The following ANKRD36B variants were observed in gnomAD, a reference collection of about 807,000 sequenced individuals.
ANKRD36B encodes ankyrin repeat domain 36B, also known as ankyrin repeat domain-containing protein 36B.
ANKRD36B carries 37 observed loss-of-function variants against 135.7 expected under a neutral mutation model. The ratio of observed to expected loss-of-function variants is 0.27; its 90% CI spans 0.21 to 0.36. The LOEUF (loss-of-function observed/expected upper bound fraction) is 0.36, where lower values mean the gene tolerates loss of function less well. Ranked by LOEUF, ANKRD36B falls within the 10% of genes least tolerant of loss-of-function variation. The pLI is 1.00. For missense variants in ANKRD36B, 549 were observed against 1,037.1 expected, an observed-to-expected ratio of 0.53 and a Z score of 6.46; for synonymous variants, 179 against 348.1, an observed-to-expected ratio of 0.51 and a Z score of 5.41.
intron 1 of ANKRD36B, among the ~76,000 whole-genome samples, chr2:97,588,197 T>TGA (rs1367857668): frequency 3.1e-4 from 47 of 152,146 alleles, no homozygotes; most frequent in African/African-American, 1.1e-3. Context: ...CATAACGAAC[T>TGA]TATTTCTGTG....
rs569298444 is a variant in ANKRD36B at position 97,530,299 on chromosome 2, C to T, written c.2265+2012G>A. Among the ~76,000 whole-genome samples, 18 of 94,662 alleles carry T rather than the reference C, an allele frequency of 1.9e-4. 6 individuals are homozygous for T. Among genetic ancestry groups the T allele is most frequent in the African/African-American group, 2.6e-4 (8 of 31,264 alleles). 62.1% of individuals were successfully genotyped at this position (94,662 alleles called of 152,430 possible). A position where few individuals can be genotyped will look rare whatever the true frequency, so the allele number is the denominator to read the frequency against. On this transcript the variant is annotated intron_variant, in intron 35 of 43. Transcript: ENST00000359901. ...TGACAACCCTGAGAAAAACAAGCAA[C>T]GGGGAAAGGATTCCCTATTTAATAA...
At chr2:97,558,902 A>C (rs769377251) in intron 9 of ANKRD36B, 31 bp from the exon 10 acceptor site, 1 of 1,609,408 alleles carries the variant, frequency 6.2e-7, no homozygotes, top group South Asian at 1.1e-5. Flanking sequence ...AATAATCAAT[A>C]TGTAAAGTAG....
At chr2:97,572,107 TTAAAAAA>T (rs759574947) in intron 6 of ANKRD36B, among the ~76,000 whole-genome samples, 7 of 151,980 alleles carry the variant, frequency 4.6e-5, no homozygotes, top group Non-Finnish European at 8.8e-5. Context: ...ACCTTTGTCT[TTAAAAAA>T]TAAAAAATAA....
In ANKRD36B at chr2:97,506,695, C is replaced by T. The variant is rs577744083; in HGVS notation, c.*6+341G>A. ...CTTAGCCTTAAATCACTACCTTAACCTTGAGAAGTTGATAATGCCTTTGTT... is the reference window on the plus strand; with the variant it reads ...CTTAGCCTTAAATCACTACCTTAACTTTGAGAAGTTGATAATGCCTTTGTT... On this transcript the variant is annotated intron_variant, in intron 43 of 43. Coordinates refer to ENST00000359901, the MANE Select transcript of ANKRD36B (RefSeq NM_001393939.1). 1.1e-4 allele frequency among the ~76,000 whole-genome samples: 10 copies of T among 93,418 alleles called. No homozygotes were observed. The South Asian group carries it at 2.4e-3, about 22-fold the overall frequency. The allele number at this position is 93,418 out of a possible 152,430, so 61.3% of individuals were successfully genotyped here.
rs1194380007 is a variant in ANKRD36B, at chr2:97,538,817, C to G, written c.1988-454G>C. Among the ~76,000 whole-genome samples, 14 of 96,872 alleles carry G rather than the reference C, an allele frequency of 1.4e-4. 6 individuals are homozygous for G. The highest frequency in any genetic ancestry group is 3.0e-4 in the Non-Finnish European group (11 of 36,404). 63.6% of individuals were successfully genotyped at this position (96,872 alleles called of 152,430 possible). On this transcript the variant is annotated intron_variant, in intron 30 of 43. Coordinates refer to ENST00000359901, the MANE Select transcript of ANKRD36B (RefSeq NM_001393939.1). ...CTCTTTAACTTGCCTGGTAATTGAG[C>G]AGGTACACAATGACAATGACACTTT...
At chr2:97,588,409 T>C (rs1443453456) in intron 1 of ANKRD36B, among the ~76,000 whole-genome samples, 1 of 151,882 alleles carries the variant, frequency 6.6e-6, no homozygotes, top group Admixed American at 6.5e-5. Flanking sequence ...TTCTTACACA[T>C]ATTGGTGTGT....
chr2:97,548,409 T>C (rs2079702513), intron 20 of ANKRD36B, among the ~76,000 whole-genome samples: 1 of 151,966 alleles, frequency 6.6e-6, no homozygotes, highest in Non-Finnish European at 1.5e-5. Flanking sequence ...GATAATATAT[T>C]AGCCTCAATA....
Position 97,528,958 on chromosome 2 carries a change from C to T in ANKRD36B, c.2265+3353G>A, listed in dbSNP as rs1181420326. On this transcript the variant is annotated intron_variant, in intron 35 of 43. Coordinates refer to ENST00000359901, the MANE Select transcript of ANKRD36B (RefSeq NM_001393939.1). The stretch of plus-strand genomic sequence containing the variant: ...GTCCAGGACCAGATGGATTCACAGT[C>T]GCATTCTACCAGAGGTACAAGGAGG... Among the ~76,000 whole-genome samples the T allele has an allele frequency of 3.1e-5, 3 of 96,304 alleles. No individual in the cohort carries two copies. The East Asian group carries it at 6.9e-4, about 22-fold the overall frequency. The allele number at this position is 96,304 out of a possible 152,430, so 63.2% of individuals were successfully genotyped here.
At chr2:97,581,575 T>C (rs2082636065) in intron 3 of ANKRD36B, among the ~76,000 whole-genome samples, 3 of 151,990 alleles carry the variant, frequency 2.0e-5, no homozygotes, top group African/African-American at 7.2e-5. Flanking sequence ...AGGACCCTGA[T>C]GCAAATATTT....
At chr2:97,570,425 T>A (rs1431719134) in intron 6 of ANKRD36B, among the ~76,000 whole-genome samples, 1 of 152,218 alleles carries the variant, frequency 6.6e-6, no homozygotes, top group African/African-American at 2.4e-5. Flanking sequence ...TTGTCACCAT[T>A]TCCTGAGAAA....
chr2:97,546,505 C>G (rs1332850941), intron 22 of ANKRD36B, among the ~76,000 whole-genome samples: 3 of 151,718 alleles, frequency 2.0e-5, no homozygotes, highest in African/African-American at 7.3e-5. Flanking sequence ...CTGAAAATTT[C>G]TTCATCCACT....
rs1222571270 is a variant in ANKRD36B, at chr2:97,525,505, T to G, written c.2266-2038A>C. Among the ~76,000 whole-genome samples the G allele has an allele frequency of 2.1e-5, 2 of 96,122 alleles. 1 individual carries two copies. The highest frequency in any genetic ancestry group is 4.7e-4 in the East Asian group (2 of 4,288). The allele number at this position is 96,122 out of a possible 152,430, so 63.1% of individuals were successfully genotyped here. ...AAGATGGGTGATTTCTGCATTTCCA[T>G]CTGAGGTACCAGGTTCATCTCACTA... is the stretch of plus-strand genomic sequence containing the variant. On this transcript the variant is annotated intron_variant, in intron 35 of 43. Coordinates refer to ENST00000359901, the MANE Select transcript of ANKRD36B (RefSeq NM_001393939.1).
In ANKRD36B at chr2:97,572,947, T is replaced by G. The variant is rs547927685; in HGVS notation, c.763+3432A>C. On this transcript the variant is annotated intron_variant, in intron 6 of 43. Coordinates refer to ENST00000359901, the MANE Select transcript of ANKRD36B (RefSeq NM_001393939.1). ...TTTTTTTTTTTTTATACTTTTAGAG[T>G]ACATGTGCACAAAGTGCAGGTTTGT... Among the ~76,000 whole-genome samples, 662 of 151,330 alleles carry G rather than the reference T, an allele frequency of 4.4e-3. 12 individuals are homozygous for G. Among genetic ancestry groups the G allele is most frequent in the African/African-American group, 0.015 (634 of 41,190 alleles).
At position 97,525,641 on chromosome 2, in the gene ANKRD36B, T is replaced by G; in HGVS notation, c.2266-2174A>C. On this transcript the variant is annotated intron_variant, in intron 35 of 43. Transcript: ENST00000359901. ...AAGTGGAAGGGGTCAGGGAGTTCCC[T>G]TTCCTAGTCAAAGAAAGGGGTGACA... 2.1e-5 allele frequency among the ~76,000 whole-genome samples: 2 copies of G among 96,364 alleles called. 1 individual carries two copies. The allele number at this position is 96,364 out of a possible 152,430, so 63.2% of individuals were successfully genotyped here. A position where few individuals can be genotyped will look rare whatever the true frequency, so the allele number is the denominator to read the frequency against.
chr2:97,537,611 G>C (rs1314022287), intron 32 of ANKRD36B, among the ~76,000 whole-genome samples: 1 of 96,212 alleles, frequency 1.0e-5, no homozygotes, highest in East Asian at 2.3e-4. Flanking sequence ...CTAAATGCAT[G>C]TGAAGTGAGT....
At position 97,551,176 on chromosome 2, in the gene ANKRD36B, C is replaced by G. The variant is rs141646024; in HGVS notation, c.1375+113G>C. On this transcript the variant is annotated intron_variant, in intron 18 of 43. Transcript: ENST00000359901. ...AGAACTTATTAGAAATGAAGAATCT[C>G]AGGCCTGCTGAGTCAGAATGTGCAG... The G allele has an allele frequency of 2.1e-4, 297 of 1,388,226 alleles. No homozygotes were observed. In the African/African-American group the frequency reaches 3.8e-3, roughly 18 times the overall value. The allele number at this position is 1,388,226 out of a possible 1,614,324, so 86.0% of individuals were successfully genotyped here.
chr2:97,549,557 G>C, intron 19 of ANKRD36B, 29 bp downstream of exon 19: 1 of 1,608,994 alleles, frequency 6.2e-7, no homozygotes, highest in Non-Finnish European at 8.5e-7. Flanking sequence ...ACATTAACTA[G>C]TTCACAATAT....
At chr2:97,552,215 C>T (rs1292089672) in intron 16 of ANKRD36B, among the ~76,000 whole-genome samples, 1 of 151,922 alleles carries the variant, frequency 6.6e-6, no homozygotes, top group Non-Finnish European at 1.5e-5. Context: ...ACAAATAAAT[C>T]TGCTACAAGC....
At chr2:97,577,071 T>A (rs895035323) in intron 5 of ANKRD36B, among the ~76,000 whole-genome samples, 1 of 151,838 alleles carries the variant, frequency 6.6e-6, no homozygotes, top group Non-Finnish European at 1.5e-5. Flanking sequence ...ATAAATAAAT[T>A]AATTTATGAA....
Sources: allele counts gnomAD v4.1 joint callset (sites outside exome capture counted in the v4.1 genomes callset), GRCh38; gene constraint gnomAD v4.1.1; transcripts MANE v1.5; gene names NCBI Gene and HGNC (gene_info 2026-07-23, HGNC 2026-07-21).